PTPRG: variants seen among roughly 807,000 people sequenced by gnomAD.
PTPRG encodes the protein receptor-type tyrosine-protein phosphatase gamma.
A neutral mutation model predicts 165.3 loss-of-function variants in PTPRG; 102 were observed. The observed-to-expected ratio is 0.62, with a 90% CI of 0.53 to 0.73. The LOEUF is 0.73. Among genes scored for constraint, PTPRG ranks in the 30% least tolerant of loss-of-function variants. The pLI, the probability that PTPRG is intolerant of heterozygous loss-of-function variation, is 0.00. For synonymous variants in PTPRG, 675 were observed against 669.5 expected (o/e 1.01, Z -0.13); for missense variants, 1,866 against 1,861.4 (o/e 1.00, Z -0.05).
chr3:61,640,281 C>T (rs532587274), intron 1 of PTPRG, among the ~76,000 whole-genome samples: 8 of 152,264 alleles, frequency 5.3e-5, no homozygotes, highest in South Asian at 2.1e-4. Context: ...AAAGAACAGA[C>T]AACAATCAGT....
chr3:61,681,041 T>C (rs74831351), intron 1 of PTPRG, among the ~76,000 whole-genome samples: 2,665 of 120,602 alleles, frequency 0.022, 171 homozygotes, highest in African/African-American at 0.081. Context: ...GTTAATCTTA[T>C]ATCTTTATGT....
Position 61,748,894 on chromosome 3 carries a change from C to T in PTPRG, c.102C>T (p.Tyr34=), listed in dbSNP as rs763846414. Residue 34 remains tyrosine (Y), a synonymous_variant, in exon 2 of 30, where the codon TAC becomes TAT. Coordinates refer to ENST00000474889, the MANE Select transcript of PTPRG (RefSeq NM_002841.4). ...VVCFPALTEG[Y]VGALHENRHG... Reference sequence around the variant, plus strand: ...CTCTTCCAGCGTTGACAGAAGGCTACGTTGGGGCCCTGCACGAGAATAGAC... The same window carrying T: ...CTCTTCCAGCGTTGACAGAAGGCTATGTTGGGGCCCTGCACGAGAATAGAC... 1.4e-5 allele frequency: 23 copies of T among 1,613,464 alleles called. No individual in the cohort carries two copies. The South Asian group carries it at 1.6e-4, about 12-fold the overall frequency.
intron 4 of PTPRG, among the ~76,000 whole-genome samples, chr3:62,013,823 C>T (rs898047472): frequency 6.7e-6 from 1 of 148,514 alleles, no homozygotes; most frequent in African/African-American, 2.5e-5. Flanking sequence ...CTTTTTTCCT[C>T]TTATTCTTTT....
At chr3:61,876,483 G>A (rs756781797) in intron 2 of PTPRG, among the ~76,000 whole-genome samples, 1 of 152,256 alleles carries the variant, frequency 6.6e-6, no homozygotes, top group East Asian at 1.9e-4. Flanking sequence ...CAACATTTGG[G>A]GAAGCTGGGT....
At chr3:62,037,131 AT>A (rs1390158570) in intron 4 of PTPRG, among the ~76,000 whole-genome samples, 1 of 152,206 alleles carries the variant, frequency 6.6e-6, no homozygotes, top group Admixed American at 6.5e-5. Context: ...TAGTTTACAG[AT>A]TTGGAACCTG....
At chr3:61,863,043 C>A (rs558422664) in intron 2 of PTPRG, among the ~76,000 whole-genome samples, 1 of 139,556 alleles carries the variant, frequency 7.2e-6, no homozygotes, top group African/African-American at 2.5e-5. Flanking sequence ...GACCTGGCAC[C>A]TTTTTCTGAA....
intron 2 of PTPRG, among the ~76,000 whole-genome samples, chr3:61,876,807 C>T (rs2107459343): frequency 6.6e-6 from 1 of 152,288 alleles, no homozygotes; most frequent in South Asian, 2.1e-4. Context: ...CCCACTACCA[C>T]TTAATAGTAA....
chr3:61,564,738 C>T (rs1699864537), intron 1 of PTPRG, among the ~76,000 whole-genome samples: 1 of 152,238 alleles, frequency 6.6e-6, no homozygotes, highest in South Asian at 2.1e-4. Flanking sequence ...CCCCGAGCCA[C>T]TGGTGGGGCT....
intron 2 of PTPRG, among the ~76,000 whole-genome samples, chr3:61,872,230 A>T (rs1170572237): frequency 6.6e-6 from 1 of 152,216 alleles, no homozygotes; most frequent in Non-Finnish European, 1.5e-5. Flanking sequence ...GATTCTGGCC[A>T]GGTGCAGCGT....
chr3:61,825,349 C>T (rs531639670), intron 2 of PTPRG, among the ~76,000 whole-genome samples: 184 of 152,222 alleles, frequency 1.2e-3, no homozygotes, highest in Admixed American at 3.5e-3. Context: ...ATTAAATAGA[C>T]AAACTACAGA....
intron 2 of PTPRG, among the ~76,000 whole-genome samples, chr3:61,837,482 A>G (rs2036503005): frequency 6.6e-6 from 1 of 152,204 alleles, no homozygotes; most frequent in Admixed American, 6.5e-5. Flanking sequence ...TGTCTTGCTG[A>G]ATGTTCGGCA....
chr3:61,845,025 A>T (rs2107345095), intron 2 of PTPRG, among the ~76,000 whole-genome samples: 2 of 152,322 alleles, frequency 1.3e-5, no homozygotes, highest in Admixed American at 6.5e-5. Flanking sequence ...CGTGCTAAAT[A>T]TTCAGTTCTT....
At chr3:61,827,879 A>G (rs1466251623) in intron 2 of PTPRG, among the ~76,000 whole-genome samples, 2 of 152,214 alleles carry the variant, frequency 1.3e-5, no homozygotes, top group South Asian at 4.1e-4. Flanking sequence ...AAATATGTCT[A>G]TAACAGATAA....
intron 6 of PTPRG, among the ~76,000 whole-genome samples, chr3:62,133,135 T>C (rs1204200978): frequency 2.0e-5 from 3 of 152,224 alleles, no homozygotes; most frequent in Admixed American, 6.5e-5. Context: ...GCTGCTGTTC[T>C]GTGCTGCAGA....
chr3:62,166,697 G>C (rs1448565127), intron 7 of PTPRG, among the ~76,000 whole-genome samples: 1 of 151,286 alleles, frequency 6.6e-6, no homozygotes, highest in East Asian at 2.0e-4. Context: ...TTTTTGTTCT[G>C]TTCTGTTTTT....
At position 62,213,442 on chromosome 3, in the gene PTPRG, A is replaced by G. The variant is rs188602656; in HGVS notation, c.2156-5409A>G. ...ATGATTTCATTTTGCATTTGGTCCT[A>G]TAAGTTACATAGCCATAACTTACAT... On this transcript the variant is annotated intron_variant, in intron 12 of 29. Transcript: ENST00000474889. This position sits in a 1 kb window ranked among gnomAD's most constrained non-coding sequence, Gnocchi z 4.4. Among the ~76,000 whole-genome samples, 469 of 152,294 alleles carry G rather than the reference A, an allele frequency of 3.1e-3. No individual in the cohort carries two copies. Among genetic ancestry groups the G allele is most frequent in the Non-Finnish European group, 4.8e-3 (324 of 68,032 alleles).
intron 2 of PTPRG, among the ~76,000 whole-genome samples, chr3:61,919,356 A>C (rs1271239084): frequency 6.6e-6 from 1 of 152,242 alleles, no homozygotes; most frequent in Non-Finnish European, 1.5e-5. Context: ...GAGAATGATC[A>C]CATGGTGAGT....
intron 2 of PTPRG, among the ~76,000 whole-genome samples, chr3:61,879,426 T>A (rs2037827722): frequency 6.6e-6 from 1 of 152,182 alleles, no homozygotes. Flanking sequence ...GTATAATTCT[T>A]GTATTTTGGG....
At chr3:61,908,121 T>TAAAAA (rs1183592777) in intron 2 of PTPRG, among the ~76,000 whole-genome samples, 6 of 67,186 alleles carry the variant, frequency 8.9e-5, no homozygotes, top group African/African-American at 2.8e-4. Context: ...CACCTCTCTT[T>TAAAAA]AAAAAAAAAA....
Sources: gnomAD v4.1 joint callset for allele counts (sites outside exome capture counted in the v4.1 genomes callset) on GRCh38, gnomAD v4.1.1 for gene constraint, Gnocchi (gnomAD v3.1) non-coding constraint, MANE v1.5 for transcripts, NCBI Gene and HGNC (gene_info 2026-07-23, HGNC 2026-07-21) for gene names.